Variants in NID1 observed in about 807,000 individuals in gnomAD.
NID1 encodes the protein nidogen-1.
A neutral mutation model predicts 130.6 loss-of-function variants in NID1; 76 were observed. The ratio of observed to expected loss-of-function variants is 0.58; its 90% CI spans 0.48 to 0.70. The LOEUF (loss-of-function observed/expected upper bound fraction) is 0.70, where lower values mean the gene tolerates loss of function less well. Ranked by LOEUF, NID1 falls within the 30% of genes least tolerant of loss-of-function variation. NID1 has a pLI of 0.00. For synonymous variants in NID1, 665 were observed against 675.1 expected (o/e 0.98, Z 0.23); for missense variants, 1,517 against 1,664.8 (o/e 0.91, Z 1.54).
intron 11 of NID1, 77 bp downstream of exon 11, chr1:236,013,334 G>T: frequency 6.7e-7 from 1 of 1,499,044 alleles, no homozygotes; most frequent in Non-Finnish European, 9.2e-7. Flanking sequence ...GAGTGAGTTG[G>T]TGATTGGCAC....
chr1:235,986,610 G>A (rs1657580040), intron 14 of NID1, among the ~76,000 whole-genome samples: 1 of 152,132 alleles, frequency 6.6e-6, no homozygotes, highest in African/African-American at 2.4e-5. Flanking sequence ...ACAGACATGT[G>A]CCAGCACACC....
intron 14 of NID1, 108 bp downstream of exon 14, chr1:235,990,778 C>G: frequency 8.1e-7 from 1 of 1,233,720 alleles, no homozygotes; most frequent in Non-Finnish European, 1.2e-6. Context: ...GAATGAGCAC[C>G]CATGGTTCCA....
chr1:236,006,713 GGAGA>G (rs1658258892), intron 12 of NID1, among the ~76,000 whole-genome samples: 1 of 152,216 alleles, frequency 6.6e-6, no homozygotes, highest in African/African-American at 2.4e-5. Context: ...TTGCTTTTGA[GGAGA>G]GAGAGGAGGC....
At chr1:236,006,513 G>T (rs1007722320) in intron 12 of NID1, among the ~76,000 whole-genome samples, 3 of 152,208 alleles carry the variant, frequency 2.0e-5, no homozygotes, top group Non-Finnish European at 2.9e-5. Flanking sequence ...GATCCAGACT[G>T]TGGGAAACTA....
chr1:236,049,337 G>A (rs1659699020), intron 1 of NID1, among the ~76,000 whole-genome samples: 1 of 152,152 alleles, frequency 6.6e-6, no homozygotes, highest in Non-Finnish European at 1.5e-5. Flanking sequence ...AAATTAGCCA[G>A]GCTTGGTAGC....
chr1:235,992,536 C>A (rs1256170029), intron 13 of NID1, among the ~76,000 whole-genome samples: 1 of 152,304 alleles, frequency 6.6e-6, no homozygotes, highest in African/African-American at 2.4e-5. Context: ...TTCTGGAAAG[C>A]CTCACCCATG....
chr1:236,026,072 C>T lies in NID1; in HGVS notation c.1808G>A (p.Arg603His), dbSNP rs568556688. ...EPERDGASPS[R>H]IYTYQWRQTI... The stretch of plus-strand genomic sequence containing the variant: ...CTGGCGCCACTGGTAAGTGTAGATG[C>T]GTGAAGGAGATGCCCCATCTCGCTC... Residue 603 changes from arginine (R) to histidine (H), a missense_variant, in exon 8 of 20, where the codon CGC (arginine) becomes CAC (histidine). Physicochemically the swap from Arg to His is conservative, Grantham distance 29. Around this residue, in one of 3 missense-constraint regions of NID1, gnomAD observed 1,329 missense variants for 1,429.2 expected, o/e 0.93. Coordinates refer to ENST00000264187, the MANE Select transcript of NID1 (RefSeq NM_002508.3). 14 of 1,612,854 alleles carry T rather than the reference C, an allele frequency of 8.7e-6. No individual in the cohort carries two copies. Among genetic ancestry groups the T allele is most frequent in the South Asian group, 2.2e-5 (2 of 91,016 alleles).
In NID1 at chr1:236,029,667, C is replaced by A; in HGVS notation, c.1621G>T (p.Asp541Tyr). The A allele has an allele frequency of 3.1e-6, 5 of 1,613,960 alleles. No individual in the cohort carries two copies. The highest frequency in any genetic ancestry group is 3.4e-6 in the Non-Finnish European group (4 of 1,180,008). ...LVIKQRFSGI[D>Y]EHGHLTIDTE... ...TCGATGGTCAGGTGCCCATGCTCAT[C>A]GATGCCGCTGAACCGCTGCTTAATG... The change falls in exon 7 of 20, where the codon GAT (aspartate) becomes TAT (tyrosine). Residue 541 changes from aspartate to tyrosine, a missense_variant. By Grantham distance (160) the Asp-to-Tyr change is radical (BLOSUM62 -3). This residue lies in a region of NID1 where 1,329 missense variants were observed against 1,429.2 expected (regional missense o/e 0.93). Coordinates refer to ENST00000264187, the MANE Select transcript of NID1 (RefSeq NM_002508.3).
intron 15 of NID1, among the ~76,000 whole-genome samples, chr1:235,984,461 C>G (rs761395686): frequency 3.9e-5 from 6 of 152,100 alleles, no homozygotes; most frequent in Non-Finnish European, 7.4e-5. Context: ...TCTAGAATAT[C>G]AATTGTGAGG....
At chr1:236,017,528 C>A (rs910710123) in intron 9 of NID1, among the ~76,000 whole-genome samples, 2 of 151,874 alleles carry the variant, frequency 1.3e-5, no homozygotes. Flanking sequence ...TGGGATTACA[C>A]GTGTGTGCCA....
intron 14 of NID1, among the ~76,000 whole-genome samples, chr1:235,986,247 T>C (rs1224739888): frequency 6.6e-6 from 1 of 152,204 alleles, no homozygotes; most frequent in African/African-American, 2.4e-5. Context: ...GCATACATAT[T>C]GAAGAAGTAA....
Position 236,032,398 on chromosome 1 carries a change from T to C in NID1, c.1537+3A>G. ...ACTAATTTTAATGTCGGATATAAAT[T>C]ACCGGTGATGCTGAACCCATTCTTG... is the stretch of plus-strand genomic sequence containing the variant. On this transcript the variant is annotated splice_donor_region_variant and intron_variant, in intron 6 of 19. Coordinates refer to ENST00000264187, the MANE Select transcript of NID1 (RefSeq NM_002508.3). The C allele has an allele frequency of 6.2e-7, 1 of 1,613,260 alleles. No homozygotes were observed. The highest frequency in any genetic ancestry group is 2.2e-5 in the East Asian group (1 of 44,876).
At chr1:236,014,392 T>A (rs1658526195) in intron 10 of NID1, among the ~76,000 whole-genome samples, 1 of 152,156 alleles carries the variant, frequency 6.6e-6, no homozygotes, top group Non-Finnish European at 1.5e-5. Flanking sequence ...AGGATGGGAC[T>A]CTGTCCTGGC....
intron 12 of NID1, among the ~76,000 whole-genome samples, chr1:236,008,855 G>T (rs1023010296): frequency 6.6e-6 from 1 of 151,930 alleles, no homozygotes; most frequent in Non-Finnish European, 1.5e-5. Flanking sequence ...TAGTAGAGAC[G>T]GGGTTTCTCC....
chr1:236,064,173 A>G (rs1660124322), intron 1 of NID1, among the ~76,000 whole-genome samples: 1 of 152,192 alleles, frequency 6.6e-6, no homozygotes, highest in South Asian at 2.1e-4. Context: ...AGGCCCGGCC[A>G]GTCACGGGGA....
chr1:236,018,421 A>G (rs1209733265), intron 9 of NID1, among the ~76,000 whole-genome samples: 3 of 152,330 alleles, frequency 2.0e-5, no homozygotes, highest in Admixed American at 2.0e-4. Flanking sequence ...GATTCATCCA[A>G]CACCCCAGCC....
intron 5 of NID1, among the ~76,000 whole-genome samples, chr1:236,034,422 C>CAAA (rs144657585): frequency 0.014 from 1,318 of 92,522 alleles, 21 homozygotes; most frequent in East Asian, 0.02. Context: ...AACTCCATCT[C>CAAA]AAAAAAAAAA....
chr1:236,045,743 T>C, intron 2 of NID1, 60 bp from the exon 3 acceptor site: 1 of 1,320,652 alleles, frequency 7.6e-7, no homozygotes, highest in Non-Finnish European at 1.1e-6. Context: ...TTAAAATGTG[T>C]TATTCGCCAG....
intron 1 of NID1, among the ~76,000 whole-genome samples, chr1:236,062,032 TAA>T: frequency 6.6e-6 from 1 of 151,754 alleles, no homozygotes; most frequent in Non-Finnish European, 1.5e-5. Flanking sequence ...CTCAAAATAT[TAA>T]ACATAGAGTT....
Sources: allele counts gnomAD v4.1 joint callset (sites outside exome capture counted in the v4.1 genomes callset), GRCh38; gene constraint gnomAD v4.1.1; regional missense constraint gnomAD v4.1.1; transcripts MANE v1.5; gene names NCBI Gene and HGNC (gene_info 2026-07-23, HGNC 2026-07-21).